The following TMEM25 variants were observed in gnomAD, a reference collection of about 807,000 sequenced individuals.
The protein encoded by TMEM25 is 0610039J01Rik.
Under a neutral mutation model 37.0 loss-of-function variants are expected in TMEM25, and 36 were observed. That is an observed-to-expected ratio of 0.97 (90% CI 0.75 to 1.28). TMEM25 has a LOEUF of 1.28. TMEM25 is among the 50% of genes most tolerant of loss of function. TMEM25 has a pLI of 0.00. For synonymous variants in TMEM25, 197 were observed against 203.7 expected (o/e 0.97, Z 0.28); for missense variants, 444 against 477.9 (o/e 0.93, Z 0.66).
chr11:118,536,442 C>T (rs904512088), downstream of TMEM25, among the ~76,000 whole-genome samples: 16 of 152,180 alleles, frequency 1.1e-4, no homozygotes, highest in Non-Finnish European at 1.9e-4. Flanking sequence ...ATCCACCCGC[C>T]TCAGCCTCCC....
At position 118,532,413 on chromosome 11, in the gene TMEM25, C is replaced by G. The variant is rs1259008261; in HGVS notation, c.334C>G (p.Pro112Ala). The change falls in exon 3 of 9, where the codon CCC (proline) becomes GCC (alanine). Residue 112 changes from proline to alanine, a missense_variant. Pro to Ala is a conservative substitution (Grantham distance 27, BLOSUM62 -1). Transcript: ENST00000313236. ...QHELNCSLQD[P>A]RSGRSANASV... The stretch of plus-strand genomic sequence containing the variant: ...TGAGCTCAACTGCTCTCTGCAGGAC[C>G]CCAGAAGTGGCCGATCAGCCAACGC... 2.5e-6 allele frequency: 4 copies of G among 1,614,002 alleles called. No homozygotes were observed. The highest frequency in any genetic ancestry group is 3.4e-6 in the Non-Finnish European group (4 of 1,180,002).
chr11:118,534,662 C>T lies in TMEM25; in HGVS notation c.*82C>T, dbSNP rs45485302. ...AGGCATCCTCTACCTAGCTAGGTCA[C>T]CAACGTGAAGAAGTTATGCCACTGC... On this transcript the variant is annotated 3_prime_UTR_variant, in exon 9 of 9. Transcript: ENST00000313236. The surrounding 1 kb of genome is among the most constrained non-coding windows in gnomAD (Gnocchi z 4.6). The T allele has an allele frequency of 1.3e-6, 2 of 1,572,592 alleles. No individual in the cohort carries two copies. The highest frequency in any genetic ancestry group is 1.1e-5 in the South Asian group (1 of 87,232).
Position 118,534,632 on chromosome 11 carries a change from C to A in TMEM25, c.*52C>A. 1 of 1,600,196 alleles carries A rather than the reference C, an allele frequency of 6.2e-7. No homozygotes were observed. On this transcript the variant is annotated 3_prime_UTR_variant, in exon 9 of 9. Transcript: ENST00000313236. The surrounding 1 kb of genome is among the most constrained non-coding windows in gnomAD (Gnocchi z 4.6). ...TTGGCCTCTGGACACCCTCCCGTTC[C>A]TCCAAGGCATCCTCTACCTAGCTAG...
rs370682545 is a variant in TMEM25 at position 118,532,278 on chromosome 11, C to G, written c.199C>G (p.Leu67Val). 40 of 1,614,046 alleles carry G rather than the reference C, an allele frequency of 2.5e-5. No individual in the cohort carries two copies. The highest frequency in any genetic ancestry group is 3.3e-5 in the Non-Finnish European group (39 of 1,180,026). The change falls in exon 3 of 9, where the codon CTG (leucine) becomes GTG (valine). Residue 67 changes from leucine (L) to valine (V), a missense_variant. Coordinates refer to ENST00000313236, the MANE Select transcript of TMEM25 (RefSeq NM_032780.4). ...GPGTPRLAWY[L>V]DGQLQEASTS... ...TGGCACCCCCAGATTGGCCTGGTAT[C>G]TGGATGGACAGCTGCAGGAGGCCAG...
chr11:118,540,719 T>C (rs1277455352), downstream of TMEM25, among the ~76,000 whole-genome samples: 6 of 152,174 alleles, frequency 3.9e-5, no homozygotes, highest in Non-Finnish European at 4.4e-5. Context: ...ATTGGAGAAG[T>C]TGATGAAAGC....
At chr11:118,545,288 C>T (rs529114473) in intron 8 of TMEM25, 53 of 816,806 alleles carry the variant, frequency 6.5e-5, no homozygotes, top group East Asian at 4.9e-4. Flanking sequence ...TGGGAAAGGG[C>T]GAAGGTAACT....
chr11:118,533,115 C>G lies in TMEM25; in HGVS notation c.581C>G (p.Thr194Arg), dbSNP rs1000109082. The change falls in exon 4 of 9, where the codon ACG becomes AGG. Residue 194 changes from threonine to arginine, a missense_variant. Coordinates refer to ENST00000313236, the MANE Select transcript of TMEM25 (RefSeq NM_032780.4). ...AACTACCCCTGGCTCACCAACCACACGGTGCAGCTGCAGCTCCGCAGCCTG... is the reference window on the plus strand; with the variant it reads ...AACTACCCCTGGCTCACCAACCACAGGGTGCAGCTGCAGCTCCGCAGCCTG... ...AQNYPWLTNH[T>R]VQLQLRSLAH... is the part of the protein sequence containing the mutation. The G allele has an allele frequency of 1.2e-6, 2 of 1,613,256 alleles. No individual in the cohort carries two copies. The highest frequency in any genetic ancestry group is 1.3e-5 in the African/African-American group (1 of 75,010).
downstream of TMEM25, among the ~76,000 whole-genome samples, chr11:118,539,694 T>C (rs1441850207): frequency 2.0e-5 from 3 of 152,128 alleles, no homozygotes; most frequent in African/African-American, 4.8e-5. Context: ...TAAGTTTTCA[T>C]TGGCTCTGTC....
downstream of TMEM25, among the ~76,000 whole-genome samples, chr11:118,540,020 C>CAAAA (rs200560621): frequency 1.2e-5 from 1 of 80,378 alleles, no homozygotes; most frequent in African/African-American, 4.2e-5. Context: ...GACTCCGTCT[C>CAAAA]AAAAAAAAAA....
intron 3 of TMEM25, 63 bp downstream of exon 3, chr11:118,532,524 A>C: frequency 6.5e-7 from 1 of 1,530,496 alleles, no homozygotes; most frequent in Non-Finnish European, 8.8e-7. Context: ...AGCACCCACC[A>C]GGCAGGTGGT....
intron 1 of TMEM25, 155 bp downstream of exon 1, chr11:118,531,389 T>TG (rs1373376918): frequency 1.1e-5 from 4 of 354,360 alleles, no homozygotes; most frequent in Non-Finnish European, 1.6e-5. Flanking sequence ...GGAGAGAGGA[T>TG]GGGAACAGGG....
Position 118,532,537 on chromosome 11 carries a change from G to A in TMEM25, c.382+76G>A, listed in dbSNP as rs117392809. ...CCAGCACCCACCAGGCAGGTGGTCC[G>A]CAGGACATTTAGCAGACACTTAAGC... On this transcript the variant is annotated intron_variant, in intron 3 of 8. Transcript: ENST00000313236. The A allele has an allele frequency of 9.7e-4, 1,449 of 1,492,464 alleles. 3 individuals carry two copies. Among genetic ancestry groups the A allele is most frequent in the Non-Finnish European group, 1.2e-3 (1,350 of 1,109,926 alleles). 92.5% of individuals were successfully genotyped at this position (1,492,464 alleles called of 1,614,324 possible).
rs1555062891 is a variant in TMEM25, at chr11:118,535,556, C to T, written c.*976C>T. 7 of 1,535,936 alleles carry T rather than the reference C, an allele frequency of 4.6e-6. No individual in the cohort carries two copies. Among genetic ancestry groups the T allele is most frequent in the Non-Finnish European group, 4.4e-6 (5 of 1,146,790 alleles). ...CCAGCCCTGACCAACCCATGGTTGC[C>T]TCATCAGCAGGAAGGTGCCCTTCCT... is the stretch of plus-strand genomic sequence containing the variant. On this transcript the variant is annotated 3_prime_UTR_variant, in exon 9 of 9. Coordinates refer to ENST00000313236, the MANE Select transcript of TMEM25 (RefSeq NM_032780.4).
rs1951314022 is a variant in TMEM25 at position 118,532,194 on chromosome 11, G to A, written c.115G>A (p.Glu39Lys). 2.5e-6 allele frequency: 4 copies of A among 1,602,986 alleles called. No individual in the cohort carries two copies. The highest frequency in any genetic ancestry group is 3.4e-5 in the Admixed American group (2 of 59,518). The change falls in exon 3 of 9, where the codon GAG becomes AAG. Residue 39 changes from glutamate (E) to lysine (K), a missense_variant. Physicochemically the swap from Glu to Lys is moderately conservative, Grantham distance 56. Transcript: ENST00000313236. ...EPQIDGQTWAERALRENERHA... is the reference protein window; with the variant it reads ...EPQIDGQTWAKRALRENERHA... ...ACAAATAGATGGTCAGACCTGGGCT[G>A]AGCGGGCACTTCGGGAGAATGAACG...
At chr11:118,544,850 G>C (rs139719866) in intron 8 of TMEM25, 1 of 1,148,238 alleles carries the variant, frequency 8.7e-7, no homozygotes, top group Non-Finnish European at 1.3e-6. Context: ...AGCTGACAAC[G>C]ATCTGTCCAT....
At chr11:118,539,862 A>T (rs1951555698), downstream of TMEM25, among the ~76,000 whole-genome samples, 1 of 151,622 alleles carries the variant, frequency 6.6e-6, no homozygotes, top group Admixed American at 6.6e-5. Context: ...CTTTACTAAA[A>T]ATACAAAAAT....
At position 118,533,423 on chromosome 11, in the gene TMEM25, T is replaced by C. The variant is rs370298126; in HGVS notation, c.677T>C (p.Leu226Pro). Reference protein sequence around the residue: ...VTSASLPAPGLLATRVEVPLL... With the variant: ...VTSASLPAPGPLATRVEVPLL... Reference sequence around the variant, plus strand: ...TGACACAGAGGACATCCTCCAGGGCTTCTGGCTACCCGGGTGGAAGTGCCA... The same window carrying C: ...TGACACAGAGGACATCCTCCAGGGCCTCTGGCTACCCGGGTGGAAGTGCCA... Residue 226 changes from leucine to proline, a missense_variant, in exon 5 of 9, where the codon CTT becomes CCT. By Grantham distance (98) the Leu-to-Pro change is moderately conservative (BLOSUM62 -3). Coordinates refer to ENST00000313236, the MANE Select transcript of TMEM25 (RefSeq NM_032780.4). The C allele has an allele frequency of 8.4e-5, 135 of 1,613,600 alleles. No individual in the cohort carries two copies. The highest frequency in any genetic ancestry group is 7.0e-4 in the Middle Eastern group (4 of 5,730).
At chr11:118,531,524 C>G in intron 1 of TMEM25, 1 of 545,952 alleles carries the variant, frequency 1.8e-6, no homozygotes, top group East Asian at 3.0e-5. Context: ...TGCGTATCTG[C>G]GGGTGTGTGC....
intron 3 of TMEM25, 130 bp downstream of exon 3, chr11:118,532,591 T>C (rs1555059872): frequency 3.8e-6 from 4 of 1,063,996 alleles, no homozygotes; most frequent in African/African-American, 1.6e-5. Context: ...CATTTGATCC[T>C]CTGAGTAACC....
Sources: gnomAD v4.1 joint callset for allele counts (sites outside exome capture counted in the v4.1 genomes callset) on GRCh38, gnomAD v4.1.1 for gene constraint, Gnocchi (gnomAD v3.1) non-coding constraint, MANE v1.5 for transcripts, NCBI Gene and HGNC (gene_info 2026-07-23, HGNC 2026-07-21) for gene names.